The following SREK1 variants were observed in gnomAD, a reference collection of about 807,000 sequenced individuals.
SREK1 encodes splicing regulatory glutamic acid and lysine rich protein 1, also known as splicing regulatory glutamine/lysine-rich protein 1.
In SREK1, 13 loss-of-function variants were observed where a neutral mutation model predicts 66.5. That is an observed-to-expected ratio of 0.20 (90% confidence interval 0.13 to 0.31). The LOEUF is 0.31. Among genes scored for constraint, SREK1 ranks in the 10% least tolerant of loss-of-function variants. The pLI is 1.00. For missense variants in SREK1, 607 were observed against 769.6 expected, an observed-to-expected ratio of 0.79 and a Z score of 2.50; for synonymous variants, 265 against 263.5, an observed-to-expected ratio of 1.01 and a Z score of -0.05.
Position 66,162,146 on chromosome 5 carries a change from C to T in SREK1, c.449C>T (p.Ala150Val). Residue 150 changes from alanine (A) to valine (V), a missense_variant, in exon 4 of 12, where the codon GCA becomes GTA. Around this residue, in one of 5 missense-constraint regions of SREK1, gnomAD observed 99 missense variants for 186.6 expected, o/e 0.53. Coordinates refer to ENST00000334121, the MANE Select transcript of SREK1 (RefSeq NM_001077199.3). The part of the protein sequence containing the change: ...VSLSSLGAIP[A>V]AALDPNIATL... ...CTTAGCAGTTTGGGAGCTATACCAG[C>T]AGCAGCACTAGACCCCAACATTGCA... The T allele has an allele frequency of 6.2e-7, 1 of 1,613,886 alleles. No individual in the cohort carries two copies. Among genetic ancestry groups the T allele is most frequent in the Non-Finnish European group, 8.5e-7 (1 of 1,179,886 alleles).
chr5:66,153,607 C>T lies in SREK1; in HGVS notation c.295+11C>T, dbSNP rs779368425. ...TTCCTTGTGCAGAAGGTTGGTATCT[C>T]GCTTTTTTTCCTCTTATTTGAATTT... On this transcript the variant is annotated intron_variant, in intron 2 of 11. Transcript: ENST00000334121. The T allele has an allele frequency of 1.2e-5, 20 of 1,613,756 alleles. No individual in the cohort carries two copies. The highest frequency in any genetic ancestry group is 1.6e-4 in the Middle Eastern group (1 of 6,062).
intron 6 of SREK1, chr5:66,164,315 A>C (rs1050559350): frequency 1.5e-5 from 4 of 267,398 alleles, no homozygotes; most frequent in African/African-American, 9.1e-5. Flanking sequence ...GATTTAGAAA[A>C]AAATACAGAT....
At chr5:66,152,833 TG>T (rs1743959407) in intron 1 of SREK1, among the ~76,000 whole-genome samples, 1 of 152,238 alleles carries the variant, frequency 6.6e-6, no homozygotes, top group African/African-American at 2.4e-5. Flanking sequence ...ATTTGTGCTT[TG>T]TCTGGTTCAT....
intron 7 of SREK1, chr5:66,166,773 A>G (rs562113798): frequency 6.6e-6 from 1 of 152,298 alleles, no homozygotes; most frequent in East Asian, 1.9e-4. Flanking sequence ...CTTAACTGAC[A>G]TATATACATA....
At chr5:66,169,205 AG>A (rs1283393804) in intron 7 of SREK1, 6 of 152,268 alleles carry the variant, frequency 3.9e-5, no homozygotes, top group African/African-American at 1.4e-4. Context: ...AAGGGGGCCT[AG>A]TCCAAATTGG....
chr5:66,145,502 A>G (rs1268717779), intron 1 of SREK1, among the ~76,000 whole-genome samples: 2 of 152,012 alleles, frequency 1.3e-5, no homozygotes, highest in African/African-American at 4.8e-5. Context: ...TTTCCTAGTG[A>G]TGCATTTAGA....
At chr5:66,149,657 G>A (rs1743590180) in intron 1 of SREK1, among the ~76,000 whole-genome samples, 1 of 152,172 alleles carries the variant, frequency 6.6e-6, no homozygotes, top group African/African-American at 2.4e-5. Flanking sequence ...AAAAGGATCC[G>A]TCAGTTTAGG....
chr5:66,177,737 T>C, intron 11 of SREK1, 79 bp downstream of exon 11: 3 of 1,220,964 alleles, frequency 2.5e-6, no homozygotes, highest in Non-Finnish European at 3.3e-6. Flanking sequence ...GAAAGCTCTT[T>C]GGGGAACAGT....
chr5:66,178,790 T>G lies in SREK1; in HGVS notation c.1797T>G (p.Thr599=). The part of the protein sequence containing the change: ...KEVDDKDAPR[T]EENKIQHNGN... ...TAGATGACAAGGATGCACCAAGGAC[T>G]GAGGAAAACAAAATACAGCACAATG... Residue 599 remains threonine (T), a synonymous_variant, in exon 12 of 12, where the codon ACT becomes ACG. Transcript: ENST00000334121. 2 of 1,612,734 alleles carry G rather than the reference T, an allele frequency of 1.2e-6. No individual in the cohort carries two copies. Among genetic ancestry groups the G allele is most frequent in the Non-Finnish European group, 1.7e-6 (2 of 1,179,044 alleles).
intron 3 of SREK1, among the ~76,000 whole-genome samples, chr5:66,159,674 G>A (rs911330330): frequency 3.9e-5 from 6 of 151,976 alleles, no homozygotes; most frequent in Admixed American, 6.6e-5. Context: ...TTTAAAATAC[G>A]TGAAATGATC....
At chr5:66,172,394 A>G (rs1745714051) in intron 9 of SREK1, among the ~76,000 whole-genome samples, 1 of 152,158 alleles carries the variant, frequency 6.6e-6, no homozygotes, top group Non-Finnish European at 1.5e-5. Context: ...TCATTCCTAA[A>G]TATATATGTA....
At chr5:66,147,874 T>C (rs905238860) in intron 1 of SREK1, among the ~76,000 whole-genome samples, 7 of 149,768 alleles carry the variant, frequency 4.7e-5, no homozygotes, top group African/African-American at 1.7e-4. Flanking sequence ...TAATATAGCG[T>C]AATCAAAGGA....
At chr5:66,152,489 A>G (rs952577262) in intron 1 of SREK1, among the ~76,000 whole-genome samples, 6 of 152,232 alleles carry the variant, frequency 3.9e-5, no homozygotes, top group African/African-American at 7.2e-5. Context: ...ATGATTAGAC[A>G]TTAGATGTTA....
rs1745284246 is a variant in SREK1, at chr5:66,167,644, A to G, written c.1002-2407A>G. On this transcript the variant is annotated intron_variant, in intron 7 of 11. Coordinates refer to ENST00000334121, the MANE Select transcript of SREK1 (RefSeq NM_001077199.3). ...TTTAACGTCACAGTTAAAATGTAATAATTACTCTTAGTCACTGTCTTTTGA... is the reference window on the plus strand; with the variant it reads ...TTTAACGTCACAGTTAAAATGTAATGATTACTCTTAGTCACTGTCTTTTGA... 2.0e-5 allele frequency: 3 copies of G among 152,128 alleles called. No homozygotes were observed. In the South Asian group the frequency reaches 6.2e-4, roughly 32 times the overall value. The allele number at this position is 152,128 out of a possible 1,614,324, so 9.4% of individuals were successfully genotyped here. A position where few individuals can be genotyped will look rare whatever the true frequency, so the allele number is the denominator to read the frequency against.
intron 1 of SREK1, chr5:66,144,940 G>C: frequency 1.0e-6 from 1 of 991,598 alleles, no homozygotes; most frequent in Non-Finnish European, 1.2e-6. Context: ...GACCGCGCCT[G>C]AGCCACAGTC....
At chr5:66,167,483 CATT>C (rs1213432342) in intron 7 of SREK1, 1 of 152,106 alleles carries the variant, frequency 6.6e-6, no homozygotes, top group African/African-American at 2.4e-5. Context: ...TAAGATTTTG[CATT>C]ATTCAGAATA....
rs75873439 is a variant in SREK1 at position 66,149,990 on chromosome 5, A to G, written c.162-3473A>G. Among the ~76,000 whole-genome samples, 910 of 152,272 alleles carry G rather than the reference A, an allele frequency of 6.0e-3. 14 individuals are homozygous for G. The highest frequency in any genetic ancestry group is 0.021 in the African/African-American group (870 of 41,562). On this transcript the variant is annotated intron_variant, in intron 1 of 11. Coordinates refer to ENST00000334121, the MANE Select transcript of SREK1 (RefSeq NM_001077199.3). ...GTTATTATCAGTTCAGTTTGTTTCT[A>G]TCTACTCCATTTCTTTGCATACCTA...
intron 3 of SREK1, 102 bp downstream of exon 3, chr5:66,159,436 T>C: frequency 1.0e-6 from 1 of 981,768 alleles, no homozygotes; most frequent in East Asian, 2.9e-5. Context: ...TCTTCTTTTT[T>C]TTTTTTTTAA....
chr5:66,153,688 T>G, intron 2 of SREK1, 92 bp downstream of exon 2: 1 of 1,501,776 alleles, frequency 6.7e-7, no homozygotes, highest in Non-Finnish European at 9.1e-7. Flanking sequence ...TAGACAGTAC[T>G]CTTGGTGTGT....
Sources: gnomAD v4.1 joint callset for allele counts (sites outside exome capture counted in the v4.1 genomes callset) on GRCh38, gnomAD v4.1.1 for gene constraint, gnomAD v4.1.1 regional missense constraint, MANE v1.5 for transcripts, NCBI Gene and HGNC (gene_info 2026-07-23, HGNC 2026-07-21) for gene names.